The following WWP2 variants were observed in gnomAD, a reference collection of about 807,000 sequenced individuals.
WWP2 encodes the protein NEDD4-like E3 ubiquitin-protein ligase WWP2.
WWP2 carries 57 observed loss-of-function variants against 121.0 expected under a neutral mutation model. That is an observed-to-expected ratio of 0.47 (90% confidence interval 0.38 to 0.59). The LOEUF (loss-of-function observed/expected upper bound fraction) is 0.59. Among genes scored for constraint, WWP2 ranks in the 20% least tolerant of loss-of-function variants. The pLI, the probability that WWP2 is intolerant of heterozygous loss-of-function variation, is 0.00. For synonymous variants in WWP2, 449 were observed against 441.3 expected (o/e 1.02, Z -0.22); for missense variants, 962 against 1,158.9 (o/e 0.83, Z 2.47).
intron 17 of WWP2, 96 bp downstream of exon 17, chr16:69,934,225 C>A: frequency 6.8e-7 from 1 of 1,480,934 alleles, no homozygotes; most frequent in South Asian, 1.2e-5. Context: ...GGAATCTGCT[C>A]TTTCTCTGAG....
chr16:69,924,677 G>GC (rs1221796601), intron 10 of WWP2, among the ~76,000 whole-genome samples: 3 of 150,022 alleles, frequency 2.0e-5, no homozygotes, highest in Non-Finnish European at 3.0e-5. Context: ...CTGTCTTGCT[G>GC]CCCCACCCCC....
intron 4 of WWP2, among the ~76,000 whole-genome samples, chr16:69,838,403 A>G (rs533369945): frequency 4.2e-4 from 63 of 150,368 alleles, no homozygotes; most frequent in African/African-American, 1.2e-3. Context: ...AGACTTAGGT[A>G]CTGGATCTTG....
intron 10 of WWP2, among the ~76,000 whole-genome samples, chr16:69,920,566 C>T (rs1020686046): frequency 1.3e-5 from 2 of 151,904 alleles, no homozygotes; most frequent in East Asian, 3.9e-4. Context: ...GAGACAAGGA[C>T]GTATTTTAGG....
chr16:69,786,959 G>A, intron 1 of WWP2, 37 bp from the exon 2 acceptor site: 1 of 1,541,270 alleles, frequency 6.5e-7, no homozygotes, highest in East Asian at 2.3e-5. Context: ...CTTCTTATCA[G>A]ATATTCTCTG....
At chr16:69,812,940 A>C (rs2056422503) in intron 4 of WWP2, among the ~76,000 whole-genome samples, 1 of 152,146 alleles carries the variant, frequency 6.6e-6, no homozygotes, top group African/African-American at 2.4e-5. Context: ...TCTATTCCTC[A>C]TCACACCTTC....
rs2152002469 is a variant in WWP2, at chr16:69,939,231, C to CTG, written c.2441-107_2441-106dup. The CTG allele has an allele frequency of 9.0e-6, 14 of 1,550,932 alleles. No homozygotes were observed. The South Asian group carries it at 1.6e-4, about 18-fold the overall frequency. On this transcript the variant is annotated intron_variant, in intron 22 of 23. Transcript: ENST00000359154. ...AGCACGTCAGTGGGATGGAGAAGAGCTGTGGCCTCTGCATCCTGGGGCCGA... is the reference window on the plus strand; with the variant it reads ...AGCACGTCAGTGGGATGGAGAAGAGCTGTGTGGCCTCTGCATCCTGGGGCCGA...
At chr16:69,840,307 G>C in intron 5 of WWP2, 44 bp downstream of exon 5, 1 of 1,608,814 alleles carries the variant, frequency 6.2e-7, no homozygotes, top group Non-Finnish European at 8.5e-7. Flanking sequence ...GGACAGGGTG[G>C]GGCTGGGCGG....
intron 4 of WWP2, among the ~76,000 whole-genome samples, chr16:69,824,617 A>C (rs1597005610): frequency 6.7e-6 from 1 of 149,760 alleles, no homozygotes; most frequent in East Asian, 2.0e-4. Context: ...CATGTATTGC[A>C]TGAATTCATT....
intron 6 of WWP2, among the ~76,000 whole-genome samples, chr16:69,863,332 T>C (rs7199853): frequency 0.083 from 12,697 of 152,144 alleles, 1,775 homozygotes; most frequent in African/African-American, 0.29. Flanking sequence ...AGCCAGGTAG[T>C]CACTATCATA....
intron 4 of WWP2, among the ~76,000 whole-genome samples, chr16:69,818,231 G>A (rs2056532054): frequency 6.6e-6 from 1 of 150,762 alleles, no homozygotes; most frequent in Non-Finnish European, 1.5e-5. Context: ...TTTATGAGAT[G>A]GAGTCTTGCT....
At chr16:69,933,413 G>A (rs7206222) in intron 16 of WWP2, among the ~76,000 whole-genome samples, 121,699 of 152,126 alleles carry the variant, frequency 0.8, 49,116 homozygotes, top group East Asian at 0.96. Flanking sequence ...CAAGAGTGTT[G>A]CATAGCTGGT....
chr16:69,842,771 G>A (rs1049242584), intron 6 of WWP2, among the ~76,000 whole-genome samples: 1 of 152,140 alleles, frequency 6.6e-6, no homozygotes, highest in African/African-American at 2.4e-5. Flanking sequence ...CTGGGCTCAA[G>A]CAATCCACCC....
intron 4 of WWP2, among the ~76,000 whole-genome samples, chr16:69,812,837 G>A (rs1452282273): frequency 6.6e-6 from 1 of 152,068 alleles, no homozygotes; most frequent in Non-Finnish European, 1.5e-5. Context: ...AGGGTGCTGT[G>A]TGTCAGGTTT....
chr16:69,853,434 C>G (rs778594792), intron 6 of WWP2, among the ~76,000 whole-genome samples: 53 of 152,312 alleles, frequency 3.5e-4, no homozygotes, highest in Non-Finnish European at 6.8e-4. Context: ...TCACCACCAC[C>G]ACAGGACAAA....
intron 2 of WWP2, among the ~76,000 whole-genome samples, chr16:69,788,634 C>T (rs2055842717): frequency 6.6e-6 from 1 of 152,230 alleles, no homozygotes; most frequent in African/African-American, 2.4e-5. Context: ...CCAACGCCAC[C>T]TTTCTCATTG....
intron 6 of WWP2, among the ~76,000 whole-genome samples, chr16:69,871,416 G>T (rs1357094878): frequency 1.3e-5 from 2 of 152,202 alleles, no homozygotes; most frequent in Non-Finnish European, 1.5e-5. Context: ...TAAGTTTTGA[G>T]CTCTTCTTGC....
intron 8 of WWP2, among the ~76,000 whole-genome samples, chr16:69,893,639 T>C (rs2058064148): frequency 6.6e-6 from 1 of 152,196 alleles, no homozygotes; most frequent in South Asian, 2.1e-4. Flanking sequence ...TCTCCCAGGT[T>C]CAAACAATTC....
intron 18 of WWP2, 114 bp from the exon 19 acceptor site, chr16:69,936,198 G>C (rs979362383): frequency 4.7e-5 from 71 of 1,525,758 alleles, no homozygotes; most frequent in Non-Finnish European, 6.1e-5. Context: ...CCCTGTCACT[G>C]TTCAGGATTC....
In WWP2 at chr16:69,917,746, T is replaced by G; in HGVS notation, c.1042T>G (p.Tyr348Asp). ...KRTDPRGRFYYVDHNTRTTTW... is the reference protein window; with the variant it reads ...KRTDPRGRFYDVDHNTRTTTW... Reference sequence around the variant, plus strand: ...CACAGATCCCCGAGGCAGGTTTTACTATGTGGATCACAATACTCGGACCAC... The same window carrying G: ...CACAGATCCCCGAGGCAGGTTTTACGATGTGGATCACAATACTCGGACCAC... The change falls in exon 10 of 24, where the codon TAT becomes GAT. Residue 348 changes from tyrosine (Y) to aspartate (D), a missense_variant. By Grantham distance (160) the Tyr-to-Asp change is radical. Around this residue, in one of 3 missense-constraint regions of WWP2, gnomAD observed 606 missense variants for 772.6 expected, o/e 0.78. Coordinates refer to ENST00000359154, the MANE Select transcript of WWP2 (RefSeq NM_001270454.2). 1 of 1,610,218 alleles carries G rather than the reference T, an allele frequency of 6.2e-7. No homozygotes were observed. Among genetic ancestry groups the G allele is most frequent in the Non-Finnish European group, 8.5e-7 (1 of 1,176,582 alleles).
Sources: allele counts gnomAD v4.1 joint callset (sites outside exome capture counted in the v4.1 genomes callset), GRCh38; gene constraint gnomAD v4.1.1; regional missense constraint gnomAD v4.1.1; transcripts MANE v1.5; gene names NCBI Gene and HGNC (gene_info 2026-07-23, HGNC 2026-07-21).